Variants in IER3IP1 observed in about 807,000 individuals in gnomAD.
IER3IP1 encodes immediate early response 3 interacting protein 1.
IER3IP1 carries 16 observed loss-of-function variants against 12.2 expected under a neutral mutation model. That is an observed-to-expected ratio of 1.31 (90% CI 0.89 to 1.99). IER3IP1 has a LOEUF of 1.99. Among genes scored for constraint, IER3IP1 ranks in the 30% most tolerant of loss-of-function variants. IER3IP1 has a pLI of 0.00. For missense variants in IER3IP1, 95 were observed against 95.8 expected, an observed-to-expected ratio of 0.99 and a Z score of 0.03; for synonymous variants, 42 against 40.0, an observed-to-expected ratio of 1.05 and a Z score of -0.19.
intron 1 of IER3IP1, among the ~76,000 whole-genome samples, chr18:47,171,417 C>T (rs955143300): frequency 2.6e-5 from 4 of 152,168 alleles, no homozygotes; most frequent in Non-Finnish European, 4.4e-5. Context: ...CTATCCCCTC[C>T]ATCTTTTGGA....
chr18:47,161,563 A>G (rs767022789), intron 1 of IER3IP1, among the ~76,000 whole-genome samples: 5 of 152,166 alleles, frequency 3.3e-5, no homozygotes, highest in Admixed American at 6.5e-5. Flanking sequence ...AATAAGGACC[A>G]AACTCCTTAA....
At chr18:47,165,898 C>T (rs961292681) in intron 1 of IER3IP1, among the ~76,000 whole-genome samples, 2 of 152,204 alleles carry the variant, frequency 1.3e-5, no homozygotes, top group Non-Finnish European at 2.9e-5. Context: ...ATTGTTTAAG[C>T]TACCCAGTCT....
intron 1 of IER3IP1, among the ~76,000 whole-genome samples, chr18:47,164,207 C>T (rs1460448846): frequency 6.6e-6 from 1 of 151,776 alleles, no homozygotes; most frequent in Non-Finnish European, 1.5e-5. Context: ...TAAGCATCAC[C>T]ACTGAAGTAA....
At chr18:47,159,187 T>C (rs560755377) in intron 1 of IER3IP1, among the ~76,000 whole-genome samples, 5 of 152,340 alleles carry the variant, frequency 3.3e-5, no homozygotes, top group Admixed American at 6.5e-5. Context: ...ATTATCACTA[T>C]GGTTAGTAAG....
intron 1 of IER3IP1, among the ~76,000 whole-genome samples, chr18:47,169,199 G>T (rs957451918): frequency 6.6e-6 from 1 of 152,268 alleles, no homozygotes; most frequent in African/African-American, 2.4e-5. Context: ...ATGATATGTG[G>T]TCTTTTACGA....
intron 1 of IER3IP1, among the ~76,000 whole-genome samples, chr18:47,164,605 G>A (rs114119073): frequency 0.016 from 2,470 of 151,644 alleles, 64 homozygotes; most frequent in African/African-American, 0.057. Flanking sequence ...CCAGGAGTTC[G>A]AGACCAGCCT....
In IER3IP1 at chr18:47,157,498, T is replaced by C; in HGVS notation, c.131A>G (p.Glu44Gly). ...TAGCTGTGATTTAATTCCCGGCTCT[T>C]CTCCAAATCCACCAATTCCCTGGTC... The part of the protein sequence containing the change: ...GTDQGIGGFG[E>G]EPGIKSQLMN... The change falls in exon 2 of 3, where the codon GAA becomes GGA. Residue 44 changes from glutamate (E) to glycine (G), a missense_variant. Glu to Gly is a moderately conservative substitution (Grantham distance 98). Transcript: ENST00000256433. The C allele has an allele frequency of 6.2e-7, 1 of 1,614,140 alleles. No homozygotes were observed. Among genetic ancestry groups the C allele is most frequent in the Non-Finnish European group, 8.5e-7 (1 of 1,180,010 alleles).
At chr18:47,158,313 G>A (rs532733200) in intron 1 of IER3IP1, among the ~76,000 whole-genome samples, 137 of 151,980 alleles carry the variant, frequency 9.0e-4, no homozygotes, top group African/African-American at 2.9e-3. Flanking sequence ...CACTGCATTC[G>A]GCCTAAGTAT....
In IER3IP1 at chr18:47,152,985, A is replaced by G. The variant is rs2063945695; in HGVS notation, c.*3192T>C. The G allele has an allele frequency of 6.6e-6, 1 of 152,226 alleles. No homozygotes were observed. The highest frequency in any genetic ancestry group is 1.5e-5 in the Non-Finnish European group (1 of 68,034). 9.4% of individuals were successfully genotyped at this position (152,226 alleles called of 1,614,324 possible). A position where few individuals can be genotyped will look rare whatever the true frequency, so the allele number is the denominator to read the frequency against. ...TATTGACCAATTTTACAGATAGGACAACCAAAAACTACTGAGGTCTTAGGA... is the reference window on the plus strand; with the variant it reads ...TATTGACCAATTTTACAGATAGGACGACCAAAAACTACTGAGGTCTTAGGA... On this transcript the variant is annotated 3_prime_UTR_variant, in exon 3 of 3. Transcript: ENST00000256433.
At chr18:47,156,790 G>GTTTTTTTTTTTTTTTTTTTTTTTTTTGT (rs34039061) in intron 2 of IER3IP1, 2 of 102,916 alleles carry the variant, frequency 1.9e-5, no homozygotes, top group Non-Finnish European at 3.8e-5. Context: ...TTCTTTTCTG[G>GTTTTTTTTTTTTTTTTTTTTTTTTTTGT]TTTTTTTTTT....
intron 1 of IER3IP1, 117 bp from the exon 2 acceptor site, chr18:47,157,654 C>G: frequency 2.2e-6 from 2 of 897,358 alleles, no homozygotes; most frequent in South Asian, 2.8e-5. Flanking sequence ...AGTCATATGA[C>G]TTTTAAGAAA....
At position 47,153,877 on chromosome 18, in the gene IER3IP1, C is replaced by T. The variant is rs1234588042; in HGVS notation, c.*2300G>A. On this transcript the variant is annotated 3_prime_UTR_variant, in exon 3 of 3. Coordinates refer to ENST00000256433, the MANE Select transcript of IER3IP1 (RefSeq NM_016097.5). ...CCTTTGAATCCCAGCTCTACTTCAA[C>T]TAAAAACAAATAAATGGACCTACTC... 1 of 152,110 alleles carries T rather than the reference C, an allele frequency of 6.6e-6. No homozygotes were observed. The highest frequency in any genetic ancestry group is 2.4e-5 in the African/African-American group (1 of 41,442). 9.4% of individuals were successfully genotyped at this position (152,110 alleles called of 1,614,324 possible).
At position 47,172,981 on chromosome 18, in the gene IER3IP1, G is replaced by T. The variant is rs2064019895; in HGVS notation, c.91+3206C>A. ...GCTGTCTGGGGCACCAATTCTTTTT[G>T]TACTCTACTGTTTTCTTTCATAATT... On this transcript the variant is annotated intron_variant, in intron 1 of 2. Coordinates refer to ENST00000256433, the MANE Select transcript of IER3IP1 (RefSeq NM_016097.5). This position sits in a 1 kb window ranked among gnomAD's most constrained non-coding sequence, Gnocchi z 4.0. Among the ~76,000 whole-genome samples, 1 of 152,116 alleles carries T rather than the reference G, an allele frequency of 6.6e-6. No homozygotes were observed. The highest frequency in any genetic ancestry group is 1.5e-5 in the Non-Finnish European group (1 of 68,010).
At chr18:47,175,715 C>A (rs1286382470) in intron 1 of IER3IP1, among the ~76,000 whole-genome samples, 1 of 152,056 alleles carries the variant, frequency 6.6e-6, no homozygotes, top group Admixed American at 6.6e-5. Flanking sequence ...CCGGCCTCGG[C>A]CTGCCAAAGT....
rs1294823490 is a variant in IER3IP1 at position 47,154,111 on chromosome 18, C to T, written c.*2066G>A. The T allele has an allele frequency of 1.3e-5, 2 of 152,192 alleles. No homozygotes were observed. The highest frequency in any genetic ancestry group is 6.5e-5 in the Admixed American group (1 of 15,272). 9.4% of individuals were successfully genotyped at this position (152,192 alleles called of 1,614,324 possible). On this transcript the variant is annotated 3_prime_UTR_variant, in exon 3 of 3. Coordinates refer to ENST00000256433, the MANE Select transcript of IER3IP1 (RefSeq NM_016097.5). ...AATACATAAGGACTATAAACATCATCGGTATTTGGAGTCCAGAATCATCAC... is the reference window on the plus strand; with the variant it reads ...AATACATAAGGACTATAAACATCATTGGTATTTGGAGTCCAGAATCATCAC...
rs2668760 is a variant in IER3IP1, at chr18:47,156,520, C to T, written c.194-288G>A. On this transcript the variant is annotated intron_variant, in intron 2 of 2. Coordinates refer to ENST00000256433, the MANE Select transcript of IER3IP1 (RefSeq NM_016097.5). ...GTGCAACCCCAAGAACATGAGTGCA[C>T]TGGAGCCTGGCAGACGTAGACCCAC... Among the ~76,000 whole-genome samples, 84,617 of 151,856 alleles carry T rather than the reference C, an allele frequency of 0.56. 23,717 individuals carry two copies. Among genetic ancestry groups the T allele is most frequent in the Middle Eastern group, 0.61 (179 of 294 alleles).
chr18:47,169,847 G>T (rs1204013656), intron 1 of IER3IP1, among the ~76,000 whole-genome samples: 1 of 152,038 alleles, frequency 6.6e-6, no homozygotes, highest in African/African-American at 2.4e-5. Context: ...ATTTTGGATA[G>T]AAATCACTCA....
rs1326289878 is a variant in IER3IP1, at chr18:47,152,913, G to T, written c.*3264C>A. The T allele has an allele frequency of 6.6e-6, 1 of 152,096 alleles. No homozygotes were observed. Among genetic ancestry groups the T allele is most frequent in the Admixed American group, 6.6e-5 (1 of 15,262 alleles). The allele number at this position is 152,096 out of a possible 1,614,324, so 9.4% of individuals were successfully genotyped here. A position where few individuals can be genotyped will look rare whatever the true frequency, so the allele number is the denominator to read the frequency against. ...ATCTAGATACAAACATTAGTGATCTGGAAAAGATATATATATATATCTGGA... is the reference window on the plus strand; with the variant it reads ...ATCTAGATACAAACATTAGTGATCTTGAAAAGATATATATATATATCTGGA... On this transcript the variant is annotated 3_prime_UTR_variant, in exon 3 of 3. Transcript: ENST00000256433.
At chr18:47,171,614 A>C (rs2064015683) in intron 1 of IER3IP1, among the ~76,000 whole-genome samples, 1 of 152,240 alleles carries the variant, frequency 6.6e-6, no homozygotes, top group Admixed American at 6.5e-5. Flanking sequence ...TTTGTCAAGG[A>C]ATCAGCTTTT....
Sources: gnomAD v4.1 joint callset for allele counts (sites outside exome capture counted in the v4.1 genomes callset) on GRCh38, gnomAD v4.1.1 for gene constraint, Gnocchi (gnomAD v3.1) non-coding constraint, MANE v1.5 for transcripts, NCBI Gene and HGNC (gene_info 2026-07-23, HGNC 2026-07-21) for gene names.